The following CPE variants were observed in gnomAD, a reference collection of about 807,000 sequenced individuals.
CPE encodes the protein carbocypeptidase E.
A neutral mutation model predicts 53.5 loss-of-function variants in CPE; 17 were observed. The ratio of observed to expected loss-of-function variants is 0.32; its 90% CI spans 0.22 to 0.48. CPE has a LOEUF of 0.48. Ranked by LOEUF, CPE falls within the 20% of genes least tolerant of loss-of-function variation. CPE has a pLI of 0.99. For missense variants in CPE, 524 were observed against 614.7 expected, an observed-to-expected ratio of 0.85 and a Z score of 1.56; for synonymous variants, 226 against 228.8, an observed-to-expected ratio of 0.99 and a Z score of 0.11.
At chr4:165,410,816 G>C (rs564042994) in intron 1 of CPE, among the ~76,000 whole-genome samples, 1 of 140,012 alleles carries the variant, frequency 7.1e-6, no homozygotes, top group African/African-American at 2.5e-5. Context: ...TAGGAAGGCA[G>C]AAAGACTGTG....
rs73860753 is a variant in CPE, at chr4:165,441,439, G to A, written c.308-22951G>A. Among the ~76,000 whole-genome samples, 846 of 152,086 alleles carry A rather than the reference G, an allele frequency of 5.6e-3. 8 individuals carry two copies. The highest frequency in any genetic ancestry group is 0.018 in the African/African-American group (743 of 41,480). The stretch of plus-strand genomic sequence containing the variant: ...GAGCCATCATTTGAATTTCCATCAC[G>A]GCCTGTCTCTGGAGCAGACCACTGT... On this transcript the variant is annotated intron_variant, in intron 1 of 8. Coordinates refer to ENST00000402744, the MANE Select transcript of CPE (RefSeq NM_001873.4).
chr4:165,398,336 A>G (rs570436009), intron 1 of CPE, among the ~76,000 whole-genome samples: 2 of 152,274 alleles, frequency 1.3e-5, no homozygotes, highest in South Asian at 2.1e-4. Flanking sequence ...ATATACACAT[A>G]TATACACACA....
At chr4:165,455,735 C>G (rs1382619593) in intron 1 of CPE, among the ~76,000 whole-genome samples, 2 of 151,856 alleles carry the variant, frequency 1.3e-5, no homozygotes, top group African/African-American at 2.4e-5. Context: ...TCACTGCAAC[C>G]TCTGCCTCCT....
Position 165,420,823 on chromosome 4 carries a change from A to C in CPE, c.307+41295A>C, listed in dbSNP as rs544291317. Reference sequence around the variant, plus strand: ...TAAGCATTTGGAATAATTAGTTTTTATTAAATGTCATTTTGATTTAAGATA... The same window carrying C: ...TAAGCATTTGGAATAATTAGTTTTTCTTAAATGTCATTTTGATTTAAGATA... On this transcript the variant is annotated intron_variant, in intron 1 of 8. Transcript: ENST00000402744. Among the ~76,000 whole-genome samples the C allele has an allele frequency of 3.3e-5, 5 of 152,270 alleles. No homozygotes were observed. In the South Asian group the frequency reaches 1.0e-3, roughly 32 times the overall value.
intron 4 of CPE, 33 bp from the exon 5 acceptor site, chr4:165,484,389 C>T: frequency 6.3e-7 from 1 of 1,595,826 alleles, no homozygotes; most frequent in Non-Finnish European, 8.6e-7. Flanking sequence ...TGGTCTGTGT[C>T]TGTTTCTTTA....
Position 165,384,069 on chromosome 4 carries a change from A to G in CPE, c.307+4541A>G, listed in dbSNP as rs184255166. On this transcript the variant is annotated intron_variant, in intron 1 of 8. Transcript: ENST00000402744. Reference sequence around the variant, plus strand: ...AGAGGTGGCAGACGACTCATTTGCTAGTAACTCCCTTACCGTCTTACCACG... The same window carrying G: ...AGAGGTGGCAGACGACTCATTTGCTGGTAACTCCCTTACCGTCTTACCACG... 1.3e-3 allele frequency among the ~76,000 whole-genome samples: 204 copies of G among 152,344 alleles called. 1 individual carries two copies. Among genetic ancestry groups the G allele is most frequent in the Middle Eastern group, 3.4e-3 (1 of 294 alleles).
At chr4:165,405,509 TCC>T (rs1730938733) in intron 1 of CPE, 2 of 948,780 alleles carry the variant, frequency 2.1e-6, no homozygotes, top group Non-Finnish European at 3.5e-6. Context: ...CACTTTTTCT[TCC>T]ACTTTTTTGT....
chr4:165,472,426 T>C (rs1039820256), intron 3 of CPE, among the ~76,000 whole-genome samples: 56 of 111,750 alleles, frequency 5.0e-4, no homozygotes, highest in Admixed American at 3.8e-3. Flanking sequence ...CCAAGAAAAT[T>C]TGTTATTTCT....
chr4:165,385,198 G>C (rs1267510323), intron 1 of CPE, among the ~76,000 whole-genome samples: 2 of 152,080 alleles, frequency 1.3e-5, no homozygotes, highest in Non-Finnish European at 2.9e-5. Context: ...CTTACATCTG[G>C]TTATTAAAAA....
At chr4:165,404,000 G>T (rs1730913423) in intron 1 of CPE, 4 of 724,028 alleles carry the variant, frequency 5.5e-6, no homozygotes, top group Non-Finnish European at 7.6e-6. Context: ...ATGCCACTCT[G>T]TTGGAGAACC....
At chr4:165,477,116 T>A (rs1447270946) in intron 3 of CPE, among the ~76,000 whole-genome samples, 2 of 152,140 alleles carry the variant, frequency 1.3e-5, no homozygotes, top group Non-Finnish European at 2.9e-5. Flanking sequence ...TCAACTCAGG[T>A]TGACAGGATA....
chr4:165,467,694 G>T lies in CPE; in HGVS notation c.511G>T (p.Glu171Ter). The T allele has an allele frequency of 6.4e-7, 1 of 1,570,786 alleles. No individual in the cohort carries two copies. Among genetic ancestry groups the T allele is most frequent in the Admixed American group, 2.0e-5 (1 of 49,170 alleles). Residue 171 changes from glutamate to a stop codon, truncating the protein, a stop_gained, in exon 3 of 9, where the codon GAA becomes TAA. Transcript: ENST00000402744. LOFTEE classifies it high-confidence loss of function. Reference protein sequence around the residue: ...GFEKAASQPGELKDWFVGRSN... With the variant: ...GFEKAASQPG ...TTGACTTTTTTTTTTTTAGCCTGGTGAACTCAAGGACTGGTTTGTGGGTCG... is the reference window on the plus strand; with the variant it reads ...TTGACTTTTTTTTTTTTAGCCTGGTTAACTCAAGGACTGGTTTGTGGGTCG...
chr4:165,446,830 T>G (rs547639089), intron 1 of CPE, among the ~76,000 whole-genome samples: 1 of 152,358 alleles, frequency 6.6e-6, no homozygotes, highest in South Asian at 2.1e-4. Flanking sequence ...TTAGAAATCT[T>G]ACCTACTGAA....
At chr4:165,470,215 T>G (rs1212917799) in intron 3 of CPE, among the ~76,000 whole-genome samples, 2 of 152,164 alleles carry the variant, frequency 1.3e-5, no homozygotes, top group East Asian at 1.9e-4. Context: ...AGCAGGCAAC[T>G]TGAGAGATCA....
chr4:165,456,059 G>T (rs1731896381), intron 1 of CPE, among the ~76,000 whole-genome samples: 2 of 152,084 alleles, frequency 1.3e-5, no homozygotes, highest in Admixed American at 6.5e-5. Flanking sequence ...TGATTTCTGT[G>T]AATTTTAAAT....
Position 165,404,130 on chromosome 4 carries a change from C to CT in CPE, c.307+24606dup, listed in dbSNP as rs1298427509. ...GCTAGCAGCTGGCTTGGGGTGAACT[C>CT]TTTTCCATAGGCAGCCTCATACTTC... On this transcript the variant is annotated intron_variant, in intron 1 of 8. Transcript: ENST00000402744. 1.1e-5 allele frequency: 9 copies of CT among 793,744 alleles called. No individual in the cohort carries two copies. In the East Asian group the frequency reaches 1.2e-4, roughly 11 times the overall value. The allele number at this position is 793,744 out of a possible 1,614,324, so 49.2% of individuals were successfully genotyped here. A position where few individuals can be genotyped will look rare whatever the true frequency, so the allele number is the denominator to read the frequency against.
chr4:165,481,014 ATAT>A (rs1181081365), intron 3 of CPE, among the ~76,000 whole-genome samples: 3,782 of 52,898 alleles, frequency 0.071, 55 homozygotes, highest in African/African-American at 0.077. Flanking sequence ...ATATATATAT[ATAT>A]TTTTTTTTTT....
chr4:165,397,484 G>T (rs1730787416), intron 1 of CPE, among the ~76,000 whole-genome samples: 1 of 152,070 alleles, frequency 6.6e-6, no homozygotes. Flanking sequence ...TTGTCTTCCT[G>T]CCTTCTGATA....
chr4:165,462,030 T>A (rs1404990320), intron 1 of CPE, among the ~76,000 whole-genome samples: 1 of 152,260 alleles, frequency 6.6e-6, no homozygotes, highest in Non-Finnish European at 1.5e-5. Context: ...AGCATTGTTA[T>A]TGTCATTAGT....
Sources: gnomAD v4.1 joint callset for allele counts (sites outside exome capture counted in the v4.1 genomes callset) on GRCh38, gnomAD v4.1.1 for gene constraint, MANE v1.5 for transcripts, NCBI Gene and HGNC (gene_info 2026-07-23, HGNC 2026-07-21) for gene names.